Variants in TTBK2 observed in about 807,000 individuals in gnomAD.
TTBK2 encodes the protein tau-tubulin kinase 2.
A neutral mutation model predicts 110.8 loss-of-function variants in TTBK2; 28 were observed. That is an observed-to-expected ratio of 0.25 (90% CI 0.19 to 0.35). The LOEUF (loss-of-function observed/expected upper bound fraction) is 0.35. TTBK2 is among the 10% of genes least tolerant of loss of function. The pLI, the probability that TTBK2 is intolerant of heterozygous loss-of-function variation, is 1.00. For missense variants in TTBK2, 1,369 were observed against 1,500.3 expected (o/e 0.91, Z 1.45); for synonymous variants, 532 against 527.3 (o/e 1.01, Z -0.12).
At chr15:42,876,151 G>A (rs547596733) in intron 2 of TTBK2, among the ~76,000 whole-genome samples, 3 of 152,100 alleles carry the variant, frequency 2.0e-5, no homozygotes, top group South Asian at 2.1e-4. Flanking sequence ...AAATTCCTAC[G>A]TCACAAAACT....
chr15:42,914,574 A>G (rs1427541730), intron 1 of TTBK2, among the ~76,000 whole-genome samples: 1 of 152,188 alleles, frequency 6.6e-6, no homozygotes, highest in Non-Finnish European at 1.5e-5. Flanking sequence ...TCCAAAGTAG[A>G]AACCCATATT....
chr15:42,869,122 C>T (rs542821947), intron 3 of TTBK2, among the ~76,000 whole-genome samples: 2 of 152,060 alleles, frequency 1.3e-5, no homozygotes, highest in Non-Finnish European at 2.9e-5. Flanking sequence ...GGGTCTGGCT[C>T]CATTGCCCAA....
intron 4 of TTBK2, among the ~76,000 whole-genome samples, chr15:42,833,433 T>C (rs927950466): frequency 4.6e-5 from 7 of 152,208 alleles, no homozygotes; most frequent in Non-Finnish European, 1.0e-4. Context: ...ATGTATCTAC[T>C]GGTCACCCAG....
Position 42,811,741 on chromosome 15 carries a change from T to A in TTBK2, c.643A>T (p.Met215Leu). ...TGACCAACCACAAACTCCACCAACA[T>A]GTAGAATAAGGACCAAAGGTCATCA... Reference protein sequence around the residue: ...RHDDLWSLFYMLVEFVVGQLP... With the variant: ...RHDDLWSLFYLLVEFVVGQLP... Residue 215 changes from methionine to leucine, a missense_variant, in exon 8 of 15, where the codon ATG becomes TTG. This residue lies in a region of TTBK2 where 138 missense variants were observed against 179.0 expected (regional missense o/e 0.77). Transcript: ENST00000267890. The A allele has an allele frequency of 6.2e-7, 1 of 1,613,682 alleles. No homozygotes were observed. The highest frequency in any genetic ancestry group is 8.5e-7 in the Non-Finnish European group (1 of 1,179,782).
At position 42,763,137 on chromosome 15, in the gene TTBK2, TACATACATATATATATATAC is replaced by T. The variant is rs1567008613; in HGVS notation, c.1999-9910_1999-9891del. The stretch of plus-strand genomic sequence containing the variant: ...ATATATACACATATATATACATATA[TACATACATATATATATATAC>T]ATATATATATATATATATATATATA... On this transcript the variant is annotated intron_variant, in intron 13 of 14. Transcript: ENST00000267890. Among the ~76,000 whole-genome samples the T allele has an allele frequency of 2.6e-3, 227 of 88,112 alleles. 1 individual carries two copies. Among genetic ancestry groups the T allele is most frequent in the African/African-American group, 0.012 (187 of 15,504 alleles). The allele number at this position is 88,112 out of a possible 152,430, so 57.8% of individuals were successfully genotyped here.
intron 1 of TTBK2, among the ~76,000 whole-genome samples, chr15:42,899,170 A>AT (rs150495511): frequency 0.075 from 11,203 of 150,322 alleles, 739 homozygotes; most frequent in East Asian, 0.25. Context: ...TTTTTTTCAT[A>AT]TTTTTTTTTG....
At chr15:42,896,668 C>A (rs962218167) in intron 1 of TTBK2, among the ~76,000 whole-genome samples, 2 of 152,046 alleles carry the variant, frequency 1.3e-5, no homozygotes, top group African/African-American at 4.8e-5. Context: ...GTGGTACGTG[C>A]CTGTAGTCCC....
chr15:42,826,458 A>G (rs2140975990), intron 6 of TTBK2, among the ~76,000 whole-genome samples: 1 of 152,254 alleles, frequency 6.6e-6, no homozygotes, highest in South Asian at 2.1e-4. Context: ...TTGGCCTAAA[A>G]CTGCCTCTGT....
At chr15:42,878,802 G>A in intron 1 of TTBK2, 118 bp from the exon 2 acceptor site, 1 of 1,297,270 alleles carries the variant, frequency 7.7e-7, no homozygotes, top group Non-Finnish European at 1.0e-6. Flanking sequence ...TATTTTGTTG[G>A]GAAGAAGGGG....
At chr15:42,827,889 TA>T (rs1892597068) in intron 6 of TTBK2, 38 bp downstream of exon 6, 8 of 1,505,812 alleles carry the variant, frequency 5.3e-6, no homozygotes, top group African/African-American at 4.1e-5. Context: ...AATACCAGGG[TA>T]ATTATCAAAT....
chr15:42,838,374 G>A (rs1893082363), intron 4 of TTBK2, among the ~76,000 whole-genome samples: 1 of 151,986 alleles, frequency 6.6e-6, no homozygotes, highest in African/African-American at 2.4e-5. Flanking sequence ...GTGTGTGTGT[G>A]TGTGTATGTG....
In TTBK2 at chr15:42,741,325, G is replaced by A. The variant is rs2061749818; in HGVS notation, c.*4470C>T. 6.6e-6 allele frequency: 1 copy of A among 152,152 alleles called. No individual in the cohort carries two copies. 9.4% of individuals were successfully genotyped at this position (152,152 alleles called of 1,614,324 possible). ...ACTGCCTTTAGTTCTCTAAGTAAAG[G>A]TCTAAAAATGCACCTGTGGTTTCTG... On this transcript the variant is annotated 3_prime_UTR_variant, in exon 15 of 15. Transcript: ENST00000267890.
In TTBK2 at chr15:42,752,753, A is replaced by G. The variant is rs752741012; in HGVS notation, c.2493T>C (p.Phe831=). 1.2e-6 allele frequency: 2 copies of G among 1,614,154 alleles called. No individual in the cohort carries two copies. Among genetic ancestry groups the G allele is most frequent in the African/African-American group, 1.3e-5 (1 of 75,052 alleles). ...TTTTGTCTTGATTTGGCACCACACTAAAAGTCTGTGTTTTTGTCACATCAA... is the reference window on the plus strand; with the variant it reads ...TTTTGTCTTGATTTGGCACCACACTGAAAGTCTGTGTTTTTGTCACATCAA... The part of the protein sequence containing the change: ...EPLDVTKTQT[F]SVVPNQDKNN... Residue 831 remains phenylalanine (F), a synonymous_variant, in exon 14 of 15, where the codon TTT becomes TTC. Transcript: ENST00000267890.
chr15:42,799,897 T>C (rs1055195507), intron 9 of TTBK2, among the ~76,000 whole-genome samples: 10 of 151,970 alleles, frequency 6.6e-5, no homozygotes, highest in Non-Finnish European at 1.0e-4. Flanking sequence ...TAAAAGTCAA[T>C]TACAGCCTAG....
chr15:42,901,568 G>A (rs1171478102), intron 1 of TTBK2, among the ~76,000 whole-genome samples: 7 of 149,602 alleles, frequency 4.7e-5, no homozygotes, highest in Admixed American at 3.3e-4. Context: ...GATCTCTTGA[G>A]CCCAGAAGTT....
chr15:42,794,940 T>C (rs1467148531), intron 9 of TTBK2, 139 bp from the exon 10 acceptor site: 1 of 980,818 alleles, frequency 1.0e-6, no homozygotes, highest in Non-Finnish European at 1.6e-6. Context: ...ATTGCGAAAT[T>C]TGAATAGGAA....
chr15:42,881,080 G>A (rs1384554096), intron 1 of TTBK2, among the ~76,000 whole-genome samples: 6 of 151,758 alleles, frequency 4.0e-5, no homozygotes, highest in Non-Finnish European at 5.9e-5. Context: ...TCAGGAGTTC[G>A]AGACCAGCCT....
chr15:42,746,053 G>C lies in TTBK2; in HGVS notation c.3477C>G (p.Ser1159=), dbSNP rs777708456. ...RSPSASPRSS[S]LPRTSSSSPS... ...GTGAGGAACTAGACGTGCGAGGCAA[G>C]GATGAGCTTCGAGGAGAGGCACTGG... Residue 1159 remains serine (S), a synonymous_variant, in exon 15 of 15, where the codon TCC becomes TCG. Transcript: ENST00000267890. 6.2e-7 allele frequency: 1 copy of C among 1,614,152 alleles called. No homozygotes were observed. The highest frequency in any genetic ancestry group is 2.2e-5 in the East Asian group (1 of 44,874).
In TTBK2 at chr15:42,744,684, A is replaced by T. The variant is rs2061770218; in HGVS notation, c.*1111T>A. 2 of 152,240 alleles carry T rather than the reference A, an allele frequency of 1.3e-5. No individual in the cohort carries two copies. The highest frequency in any genetic ancestry group is 4.1e-4 in the South Asian group (2 of 4,826). 9.4% of individuals were successfully genotyped at this position (152,240 alleles called of 1,614,324 possible). A position where few individuals can be genotyped will look rare whatever the true frequency, so the allele number is the denominator to read the frequency against. ...CAGGTAATAAAACATTAAAAAAGAA[A>T]TATTTGCCTAAATTTATTTCCCCAG... On this transcript the variant is annotated 3_prime_UTR_variant, in exon 15 of 15. Transcript: ENST00000267890.
Sources: gnomAD v4.1 joint callset for allele counts (sites outside exome capture counted in the v4.1 genomes callset) on GRCh38, gnomAD v4.1.1 for gene constraint, gnomAD v4.1.1 regional missense constraint, MANE v1.5 for transcripts, NCBI Gene and HGNC (gene_info 2026-07-23, HGNC 2026-07-21) for gene names.